UBASH3B: variants seen among roughly 807,000 people sequenced by gnomAD.
UBASH3B encodes the protein ubiquitin-associated and SH3 domain-containing protein B.
In UBASH3B, 37 loss-of-function variants were observed where a neutral mutation model predicts 83.4. The ratio of observed to expected loss-of-function variants is 0.44; its 90% CI spans 0.34 to 0.58. The LOEUF is 0.58. UBASH3B is among the 20% of genes least tolerant of loss of function. The probability of loss-of-function intolerance (pLI) is 0.01; values close to 1 mark genes in which losing one functional copy is unlikely to be tolerated. For synonymous variants in UBASH3B, 304 were observed against 318.3 expected (o/e 0.96, Z 0.48); for missense variants, 657 against 827.2 (o/e 0.79, Z 2.52).
chr11:122,774,175 T>G, intron 1 of UBASH3B: 2 of 985,394 alleles, frequency 2.0e-6, no homozygotes, highest in Non-Finnish European at 2.4e-6. Context: ...TGAGCGTGTG[T>G]GGGTCTCTGT....
intron 1 of UBASH3B, among the ~76,000 whole-genome samples, chr11:122,689,566 T>C (rs1485198089): frequency 6.6e-6 from 1 of 152,146 alleles, no homozygotes; most frequent in Admixed American, 6.5e-5. Flanking sequence ...AAGCCTTCTA[T>C]GAACACATGT....
chr11:122,713,111 G>A (rs948345567), intron 1 of UBASH3B, among the ~76,000 whole-genome samples: 1 of 151,840 alleles, frequency 6.6e-6, no homozygotes, highest in Non-Finnish European at 1.5e-5. Flanking sequence ...GTTTCACCAT[G>A]TTAGCCAGGA....
intron 1 of UBASH3B, among the ~76,000 whole-genome samples, chr11:122,747,710 G>C (rs1387327963): frequency 2.0e-5 from 3 of 152,218 alleles, no homozygotes; most frequent in Admixed American, 2.0e-4. Context: ...TCTTTATAGA[G>C]ACGCAATGAA....
chr11:122,724,763 C>T (rs1307283224), intron 1 of UBASH3B, among the ~76,000 whole-genome samples: 1 of 151,980 alleles, frequency 6.6e-6, no homozygotes, highest in East Asian at 1.9e-4. Context: ...CAGGAAATGA[C>T]AGAAAGTGGG....
chr11:122,703,892 G>A (rs1212716768), intron 1 of UBASH3B, among the ~76,000 whole-genome samples: 2 of 152,194 alleles, frequency 1.3e-5, no homozygotes, highest in South Asian at 2.1e-4. Context: ...CTAGGGACCT[G>A]GAATTCTTCA....
Position 122,715,890 on chromosome 11 carries a change from A to AG in UBASH3B, c.161+59683dup, listed in dbSNP as rs1050186065. On this transcript the variant is annotated intron_variant, in intron 1 of 13. Transcript: ENST00000284273. Reference sequence around the variant, plus strand: ...GCAGCACTCCTCCGCCAAGGACTAGAGGGTCATGGTGTTCAACCCCTTGAA... The same window carrying AG: ...GCAGCACTCCTCCGCCAAGGACTAGAGGGGTCATGGTGTTCAACCCCTTGAA... 1.8e-4 allele frequency among the ~76,000 whole-genome samples: 27 copies of AG among 152,316 alleles called. 1 individual carries two copies. Among genetic ancestry groups the AG allele is most frequent in the Admixed American group, 1.4e-3 (21 of 15,298 alleles).
chr11:122,772,230 C>T (rs1860656931), intron 1 of UBASH3B, among the ~76,000 whole-genome samples: 1 of 152,220 alleles, frequency 6.6e-6, no homozygotes, highest in Admixed American at 6.5e-5. Flanking sequence ...CGTGAGCTCT[C>T]TTGACACCCT....
At chr11:122,698,530 T>A (rs1213592129) in intron 1 of UBASH3B, among the ~76,000 whole-genome samples, 1 of 152,182 alleles carries the variant, frequency 6.6e-6, no homozygotes, top group Non-Finnish European at 1.5e-5. Flanking sequence ...CATTATGTAA[T>A]GAAAACTGCA....
intron 11 of UBASH3B, among the ~76,000 whole-genome samples, chr11:122,805,692 C>T (rs146737254): frequency 0.013 from 2,031 of 152,310 alleles, 49 homozygotes; most frequent in African/African-American, 0.046. Context: ...CACCAAGTCC[C>T]TCCCACAACA....
At chr11:122,730,099 A>G (rs892567339) in intron 1 of UBASH3B, among the ~76,000 whole-genome samples, 2 of 151,778 alleles carry the variant, frequency 1.3e-5, no homozygotes, top group African/African-American at 4.8e-5. Flanking sequence ...CAGCCTGGCC[A>G]ACATGGCAAA....
intron 1 of UBASH3B, among the ~76,000 whole-genome samples, chr11:122,743,729 A>G (rs896729429): frequency 6.6e-6 from 1 of 152,236 alleles, no homozygotes; most frequent in African/African-American, 2.4e-5. Flanking sequence ...GGTACGGCAC[A>G]AAGCAGAATG....
At chr11:122,712,598 G>A (rs1435714004) in intron 1 of UBASH3B, among the ~76,000 whole-genome samples, 1 of 152,056 alleles carries the variant, frequency 6.6e-6, no homozygotes, top group African/African-American at 2.4e-5. Context: ...GGTCACCAAG[G>A]GAAGCTAGGG....
chr11:122,749,702 A>C (rs1387363212), intron 1 of UBASH3B, among the ~76,000 whole-genome samples: 2 of 152,194 alleles, frequency 1.3e-5, no homozygotes, highest in Non-Finnish European at 2.9e-5. Flanking sequence ...AGTAATCGCT[A>C]TTTGAGAGGT....
At chr11:122,762,536 TTTC>T (rs1335971451) in intron 1 of UBASH3B, among the ~76,000 whole-genome samples, 9 of 152,190 alleles carry the variant, frequency 5.9e-5, no homozygotes, top group Admixed American at 3.3e-4. Flanking sequence ...GAAATGTTGC[TTTC>T]TTCTTCTCCA....
chr11:122,772,284 C>T (rs1310267754), intron 1 of UBASH3B, among the ~76,000 whole-genome samples: 1 of 152,170 alleles, frequency 6.6e-6, no homozygotes, highest in Non-Finnish European at 1.5e-5. Context: ...TTGTAAGAAG[C>T]TGCTTTTGTA....
intron 1 of UBASH3B, among the ~76,000 whole-genome samples, chr11:122,699,035 A>C (rs1008132466): frequency 1.3e-5 from 2 of 152,290 alleles, no homozygotes; most frequent in South Asian, 4.1e-4. Context: ...TTTTTAGTAG[A>C]GACGGGGTTT....
At chr11:122,791,319 T>C (rs1453518672) in intron 6 of UBASH3B, among the ~76,000 whole-genome samples, 1 of 152,224 alleles carries the variant, frequency 6.6e-6, no homozygotes, top group Non-Finnish European at 1.5e-5. Context: ...AAAGTTGCAT[T>C]ACCTCTCTGA....
At chr11:122,771,533 G>A (rs1163516269) in intron 1 of UBASH3B, among the ~76,000 whole-genome samples, 2 of 152,172 alleles carry the variant, frequency 1.3e-5, no homozygotes, top group Non-Finnish European at 2.9e-5. Context: ...GAGCCACCGT[G>A]TCCAGCCTCT....
At chr11:122,668,285 G>C (rs1410198166) in intron 1 of UBASH3B, among the ~76,000 whole-genome samples, 1 of 152,208 alleles carries the variant, frequency 6.6e-6, no homozygotes, top group African/African-American at 2.4e-5. Context: ...ACCATGCGTG[G>C]CCGAGTCAGC....
Sources: gnomAD v4.1 joint callset for allele counts (sites outside exome capture counted in the v4.1 genomes callset) on GRCh38, gnomAD v4.1.1 for gene constraint, MANE v1.5 for transcripts, NCBI Gene and HGNC (gene_info 2026-07-23, HGNC 2026-07-21) for gene names.